Variants in UNC13C observed in about 807,000 individuals in gnomAD.
UNC13C encodes the protein protein unc-13 homolog C.
In UNC13C, 174 loss-of-function variants were observed where a neutral mutation model predicts 245.4. The ratio of observed to expected loss-of-function variants is 0.71; its 90% CI spans 0.63 to 0.80. The LOEUF (loss-of-function observed/expected upper bound fraction) is 0.80, where lower values mean the gene tolerates loss of function less well. UNC13C is among the 30% of genes least tolerant of loss of function. The pLI, the probability that UNC13C is intolerant of heterozygous loss-of-function variation, is 0.00. For synonymous variants in UNC13C, 992 were observed against 895.1 expected (o/e 1.11, Z -1.93); for missense variants, 2,829 against 2,602.9 (o/e 1.09, Z -1.89).
intron 17 of UNC13C, among the ~76,000 whole-genome samples, chr15:54,384,626 C>T (rs2039797782): frequency 6.6e-6 from 1 of 151,796 alleles, no homozygotes; most frequent in Non-Finnish European, 1.5e-5. Flanking sequence ...GCTAAGAGCT[C>T]AAAAGCATAG....
At chr15:54,279,431 T>G (rs1286659209) in intron 10 of UNC13C, among the ~76,000 whole-genome samples, 1 of 152,208 alleles carries the variant, frequency 6.6e-6, no homozygotes, top group Non-Finnish European at 1.5e-5. Flanking sequence ...ATTGCTCATG[T>G]TTGGGATGAG....
At chr15:54,408,515 C>T (rs2040353843) in intron 18 of UNC13C, among the ~76,000 whole-genome samples, 1 of 152,024 alleles carries the variant, frequency 6.6e-6, no homozygotes, top group African/African-American at 2.4e-5. Context: ...TAAAAGAACT[C>T]ACGTATATAG....
At chr15:54,181,851 A>T (rs547983168) in intron 4 of UNC13C, among the ~76,000 whole-genome samples, 17 of 152,052 alleles carry the variant, frequency 1.1e-4, no homozygotes, top group Non-Finnish European at 2.2e-4. Flanking sequence ...TTAGTGTTGT[A>T]TAGAAATGCT....
chr15:54,344,736 A>G (rs1301295976), intron 17 of UNC13C, among the ~76,000 whole-genome samples: 1 of 152,126 alleles, frequency 6.6e-6, no homozygotes, highest in Non-Finnish European at 1.5e-5. Context: ...CTTATAGCAT[A>G]CGTCTCACCT....
At chr15:54,220,301 A>G (rs990779578) in intron 4 of UNC13C, among the ~76,000 whole-genome samples, 9 of 150,320 alleles carry the variant, frequency 6.0e-5, no homozygotes, top group Non-Finnish European at 1.2e-4. Flanking sequence ...TTGTAGGGAC[A>G]TGGATGAAAT....
chr15:53,888,520 G>A, the UNC13C span, among the ~76,000 whole-genome samples: 1 of 152,136 alleles, frequency 6.6e-6, no homozygotes, highest in Non-Finnish European at 1.5e-5. Flanking sequence ...TCTGATGATA[G>A]TTTCTTTTGC....
At chr15:54,333,361 A>G (rs749011155) in intron 15 of UNC13C, among the ~76,000 whole-genome samples, 7 of 152,034 alleles carry the variant, frequency 4.6e-5, no homozygotes, top group African/African-American at 1.4e-4. Context: ...AAGTAAATGC[A>G]GCACATGTAT....
intron 17 of UNC13C, among the ~76,000 whole-genome samples, chr15:54,379,130 GTTA>G (rs2039667791): frequency 6.6e-6 from 1 of 151,906 alleles, no homozygotes; most frequent in Non-Finnish European, 1.5e-5. Flanking sequence ...TTTGTTTTCA[GTTA>G]TTAATAGCAA....
intron 1 of UNC13C, among the ~76,000 whole-genome samples, chr15:54,006,788 C>T (rs1036533368): frequency 6.6e-5 from 10 of 152,196 alleles, no homozygotes; most frequent in South Asian, 4.1e-4. Flanking sequence ...GCTCCTCACA[C>T]GCTATTGGTG....
chr15:54,168,128 G>A (rs11854705), intron 4 of UNC13C, among the ~76,000 whole-genome samples: 66,971 of 151,936 alleles, frequency 0.44, 15,108 homozygotes, highest in East Asian at 0.58. Flanking sequence ...ATGCCTTTAA[G>A]CATTTGTTCA....
At chr15:54,330,510 A>G (rs751685261) in intron 14 of UNC13C, among the ~76,000 whole-genome samples, 1 of 152,062 alleles carries the variant, frequency 6.6e-6, no homozygotes, top group Non-Finnish European at 1.5e-5. Context: ...GGGCCACAGT[A>G]TGGTTGATCA....
intron 2 of UNC13C, among the ~76,000 whole-genome samples, chr15:54,132,318 C>T (rs1215105642): frequency 3.3e-5 from 5 of 152,110 alleles, no homozygotes; most frequent in Non-Finnish European, 4.4e-5. Context: ...GATCTGCCTG[C>T]CTCGGCCTCC....
intron 4 of UNC13C, among the ~76,000 whole-genome samples, chr15:54,181,903 A>G (rs1416784772): frequency 6.6e-6 from 1 of 151,998 alleles, no homozygotes; most frequent in African/African-American, 2.4e-5. Flanking sequence ...AAACTGTACT[A>G]AAGTCACTTG....
At chr15:54,402,663 C>A (rs2140932048) in intron 18 of UNC13C, among the ~76,000 whole-genome samples, 1 of 152,182 alleles carries the variant, frequency 6.6e-6, no homozygotes, top group East Asian at 1.9e-4. Flanking sequence ...CTAATGATAT[C>A]AGTACCATTA....
chr15:54,309,727 A>G (rs1448123058), intron 13 of UNC13C, among the ~76,000 whole-genome samples: 1 of 151,786 alleles, frequency 6.6e-6, no homozygotes, highest in African/African-American at 2.4e-5. Context: ...CTGCATGTGG[A>G]CATCCAGTTT....
intron 23 of UNC13C, among the ~76,000 whole-genome samples, chr15:54,507,609 T>A (rs990829742): frequency 2.6e-5 from 4 of 152,132 alleles, no homozygotes; most frequent in African/African-American, 9.6e-5. Flanking sequence ...CGTTAATATA[T>A]GGAACAATGC....
At chr15:54,177,897 ACATTTTTTCT>A (rs1444488988) in intron 4 of UNC13C, among the ~76,000 whole-genome samples, 3 of 152,084 alleles carry the variant, frequency 2.0e-5, no homozygotes, top group Non-Finnish European at 2.9e-5. Flanking sequence ...GTATTATTAA[ACATTTTTTCT>A]CATTTTTTTC....
chr15:53,945,905 T>G, the UNC13C span, among the ~76,000 whole-genome samples: 2 of 152,210 alleles, frequency 1.3e-5, no homozygotes, highest in Admixed American at 1.3e-4. Context: ...CATTTGTTTG[T>G]GTCATCCCTG....
chr15:54,345,728 C>T (rs1387984773), intron 17 of UNC13C, among the ~76,000 whole-genome samples: 2 of 152,158 alleles, frequency 1.3e-5, no homozygotes, highest in African/African-American at 2.4e-5. Context: ...TCCATGTTTA[C>T]GTGACTATCC....
Sources: allele counts gnomAD v4.1 joint callset (sites outside exome capture counted in the v4.1 genomes callset), GRCh38; gene constraint gnomAD v4.1.1; transcripts MANE v1.5; gene names NCBI Gene and HGNC (gene_info 2026-07-23, HGNC 2026-07-21).